Variants in REST observed in about 807,000 individuals in gnomAD.
REST encodes the protein RE1-silencing transcription factor.
A neutral mutation model predicts 30.4 loss-of-function variants in REST; 1 was observed. The observed-to-expected ratio is 0.03, with a 90% confidence interval of 0.01 to 0.16. The LOEUF (loss-of-function observed/expected upper bound fraction) is 0.16, where lower values mean the gene tolerates loss of function less well. Ranked by LOEUF, REST falls within the 10% of genes least tolerant of loss-of-function variation. The pLI, the probability that REST is intolerant of heterozygous loss-of-function variation, is 1.00. For missense variants in REST, 1,259 were observed against 1,329.5 expected (o/e 0.95, Z 0.82); for synonymous variants, 504 against 451.1 (o/e 1.12, Z -1.49).
At chr4:56,922,943 C>T (rs1253196388) in intron 3 of REST, among the ~76,000 whole-genome samples, 1 of 152,170 alleles carries the variant, frequency 6.6e-6, no homozygotes, top group Non-Finnish European at 1.5e-5. Context: ...TACTTTTATC[C>T]TTTCGTTCAA....
rs966647245 is a variant in REST at position 56,930,382 on chromosome 4, C to T, written c.1524C>T (p.Ser508=). The T allele has an allele frequency of 1.2e-6, 2 of 1,613,574 alleles. No individual in the cohort carries two copies. The highest frequency in any genetic ancestry group is 1.7e-5 in the Admixed American group (1 of 59,918). Residue 508 remains serine, a synonymous_variant, in exon 4 of 4, where the codon AGC becomes AGT. Transcript: ENST00000309042. ...AAGAGATGGATGTGCATACAGGAAG[C>T]AATTCAGAAAAATTCAGTAAAACTA... The part of the protein sequence containing the change: ...EVKEMDVHTG[S]NSEKFSKTKK...
At chr4:56,928,449 C>T (rs1380391735) in intron 3 of REST, among the ~76,000 whole-genome samples, 18 of 151,132 alleles carry the variant, frequency 1.2e-4, no homozygotes, top group Admixed American at 9.2e-4. Flanking sequence ...AGGGCCTTGC[C>T]CTGTTGCCCA....
rs1405461236 is a variant in REST, at chr4:56,930,547, C to T, written c.1689C>T (p.Ser563=). The part of the protein sequence containing the change: ...NNSQEVPKGD[S]KVEENKKQNT... The stretch of plus-strand genomic sequence containing the variant: ...GTCAGGAAGTGCCAAAGGGTGACAG[C>T]AAAGTGGAGGAGAATAAAAAGCAAA... Residue 563 remains serine, a synonymous_variant, in exon 4 of 4, where the codon AGC becomes AGT. Coordinates refer to ENST00000309042, the MANE Select transcript of REST (RefSeq NM_005612.5). 1 of 1,611,490 alleles carries T rather than the reference C, an allele frequency of 6.2e-7. No individual in the cohort carries two copies. The highest frequency in any genetic ancestry group is 8.5e-7 in the Non-Finnish European group (1 of 1,179,384).
At position 56,934,668 on chromosome 4, in the gene REST, A is replaced by G. The variant is rs1487885802; in HGVS notation, c.*2516A>G. On this transcript the variant is annotated 3_prime_UTR_variant, in exon 4 of 4. Coordinates refer to ENST00000309042, the MANE Select transcript of REST (RefSeq NM_005612.5). ...GAAGTTTTTCCATTTGAAAAATGTG[A>G]TGTTTGCATGGAACTGTTTGAAACT... The G allele has an allele frequency of 1.2e-4, 18 of 152,150 alleles. No homozygotes were observed. Among genetic ancestry groups the G allele is most frequent in the Admixed American group, 1.1e-3 (17 of 15,260 alleles). The allele number at this position is 152,150 out of a possible 1,614,324, so 9.4% of individuals were successfully genotyped here.
intron 2 of REST, among the ~76,000 whole-genome samples, chr4:56,912,473 C>T (rs1207791278): frequency 6.6e-6 from 1 of 151,282 alleles, no homozygotes; most frequent in Admixed American, 6.6e-5. Context: ...CCTGGCTCAG[C>T]CTCCCGAGTA....
In REST at chr4:56,935,291, G is replaced by A. The variant is rs1424529843; in HGVS notation, c.*3139G>A. ...AAAGTTAAGTTTCTTTTTTACATAA[G>A]TCAGAAAAACTTACAGCTGGTGTTC... is the stretch of plus-strand genomic sequence containing the variant. On this transcript the variant is annotated 3_prime_UTR_variant, in exon 4 of 4. Coordinates refer to ENST00000309042, the MANE Select transcript of REST (RefSeq NM_005612.5). The A allele has an allele frequency of 1.3e-5, 2 of 152,150 alleles. No homozygotes were observed. Among genetic ancestry groups the A allele is most frequent in the Non-Finnish European group, 2.9e-5 (2 of 68,034 alleles). The allele number at this position is 152,150 out of a possible 1,614,324, so 9.4% of individuals were successfully genotyped here. A position where few individuals can be genotyped will look rare whatever the true frequency, so the allele number is the denominator to read the frequency against.
At chr4:56,909,443 T>A (rs4109037) in intron 1 of REST, 15,926 of 152,338 alleles carry the variant, frequency 0.1, 1,096 homozygotes, top group Middle Eastern at 0.24. Flanking sequence ...ATCGTTAAAA[T>A]TCCATTTGGG....
rs767853298 is a variant in REST at position 56,932,125 on chromosome 4, TGAA to T, written c.3272_3274del (p.Glu1091del). The T allele has an allele frequency of 1.4e-5, 23 of 1,610,312 alleles. No homozygotes were observed. The highest frequency in any genetic ancestry group is 1.9e-5 in the Non-Finnish European group (22 of 1,177,344). On this transcript the variant is annotated inframe_deletion, in exon 4 of 4. Transcript: ENST00000309042. Reference sequence around the variant, plus strand: ...GCCATTTGGTTAATGTGTACTATCTTGAAGAAGCAGCTCAAGGGCAGGAGTAAT... The same window carrying T: ...GCCATTTGGTTAATGTGTACTATCTTGAAGCAGCTCAAGGGCAGGAGTAAT...
intron 3 of REST, 49 bp from the exon 4 acceptor site, chr4:56,929,792 G>C: frequency 6.6e-7 from 1 of 1,515,526 alleles, no homozygotes; most frequent in Non-Finnish European, 8.9e-7. Context: ...TTTTAATCTT[G>C]AATTTGTCTT....
At position 56,932,150 on chromosome 4, in the gene REST, T is replaced by A; in HGVS notation, c.3292T>A (p.Ter1098LysextTer1). Residue 1098 changes from the stop codon to lysine (K), a stop_lost, in exon 4 of 4, where the codon TAA becomes AAA. Coordinates refer to ENST00000309042, the MANE Select transcript of REST (RefSeq NM_005612.5). ...YLEEAAQGQE[*>K] ...TGAAGAAGCAGCTCAAGGGCAGGAG[T>A]AATGAAACTTTGAACAAGGTTTCAG... 1 of 1,593,046 alleles carries A rather than the reference T, an allele frequency of 6.3e-7. No homozygotes were observed. The highest frequency in any genetic ancestry group is 8.6e-7 in the Non-Finnish European group (1 of 1,169,388).
In REST at chr4:56,933,538, A is replaced by G. The variant is rs1184617404; in HGVS notation, c.*1386A>G. 6.6e-6 allele frequency: 1 copy of G among 152,210 alleles called. No homozygotes were observed. The highest frequency in any genetic ancestry group is 1.5e-5 in the Non-Finnish European group (1 of 68,042). The allele number at this position is 152,210 out of a possible 1,614,324, so 9.4% of individuals were successfully genotyped here. On this transcript the variant is annotated 3_prime_UTR_variant, in exon 4 of 4. Coordinates refer to ENST00000309042, the MANE Select transcript of REST (RefSeq NM_005612.5). ...AGTACAGTCCAGATTTTTTAAAATCATACTTTCTCAGGGATCTCCACAAAC... is the reference window on the plus strand; with the variant it reads ...AGTACAGTCCAGATTTTTTAAAATCGTACTTTCTCAGGGATCTCCACAAAC...
In REST at chr4:56,932,023, G is replaced by A. The variant is rs2227901; in HGVS notation, c.3165G>A (p.Ala1055=). The A allele has an allele frequency of 0.2, 325,803 of 1,613,926 alleles. 34,235 individuals carry two copies. Among genetic ancestry groups the A allele is most frequent in the East Asian group, 0.39 (17,440 of 44,878 alleles). Residue 1055 remains alanine, a synonymous_variant, in exon 4 of 4, where the codon GCG becomes GCA. Transcript: ENST00000309042. ...KNAKEALAVK[A]AKGDFVCIFC... Reference sequence around the variant, plus strand: ...CAAAGGAAGCCTTGGCAGTCAAAGCGGCTAAGGGAGATTTTGTTTGTATCT... The same window carrying A: ...CAAAGGAAGCCTTGGCAGTCAAAGCAGCTAAGGGAGATTTTGTTTGTATCT...
Position 56,933,824 on chromosome 4 carries a change from A to G in REST, c.*1672A>G, listed in dbSNP as rs1721055442. 1 of 152,020 alleles carries G rather than the reference A, an allele frequency of 6.6e-6. No individual in the cohort carries two copies. The highest frequency in any genetic ancestry group is 2.4e-5 in the African/African-American group (1 of 41,388). The allele number at this position is 152,020 out of a possible 1,614,324, so 9.4% of individuals were successfully genotyped here. A position where few individuals can be genotyped will look rare whatever the true frequency, so the allele number is the denominator to read the frequency against. ...GGAATCTTGAATTCTGACCTCCCAT[A>G]CTCCGTTTTGAAATAACCACTTTAT... On this transcript the variant is annotated 3_prime_UTR_variant, in exon 4 of 4. Transcript: ENST00000309042.
chr4:56,917,930 T>C (rs1720278678), intron 2 of REST, among the ~76,000 whole-genome samples: 1 of 151,442 alleles, frequency 6.6e-6, no homozygotes, highest in African/African-American at 2.4e-5. Context: ...CGGGCGCCTG[T>C]AGTCCCAGCT....
At chr4:56,918,737 A>G (rs1720315671) in intron 2 of REST, among the ~76,000 whole-genome samples, 2 of 151,822 alleles carry the variant, frequency 1.3e-5, no homozygotes. Context: ...TGGTACAATC[A>G]TGGCTCACAC....
In REST at chr4:56,932,041, T is replaced by C; in HGVS notation, c.3183T>C (p.Val1061=). The part of the protein sequence containing the change: ...LAVKAAKGDF[V]CIFCDRSFRK... ...TCAAAGCGGCTAAGGGAGATTTTGT[T>C]TGTATCTTCTGTGATCGTTCTTTCA... is the stretch of plus-strand genomic sequence containing the variant. Residue 1061 remains valine, a synonymous_variant, in exon 4 of 4, where the codon GTT becomes GTC. Coordinates refer to ENST00000309042, the MANE Select transcript of REST (RefSeq NM_005612.5). 1 of 1,614,196 alleles carries C rather than the reference T, an allele frequency of 6.2e-7. No homozygotes were observed. The highest frequency in any genetic ancestry group is 8.5e-7 in the Non-Finnish European group (1 of 1,180,030).
At chr4:56,916,801 G>C (rs772018549) in intron 2 of REST, among the ~76,000 whole-genome samples, 2 of 152,124 alleles carry the variant, frequency 1.3e-5, no homozygotes, top group Non-Finnish European at 2.9e-5. Context: ...ATCATAATAA[G>C]CAGTCTGAAT....
In REST at chr4:56,930,959, A is replaced by G. The variant is rs540877198; in HGVS notation, c.2101A>G (p.Met701Val). 6.2e-7 allele frequency: 1 copy of G among 1,613,894 alleles called. No individual in the cohort carries two copies. Among genetic ancestry groups the G allele is most frequent in the South Asian group, 1.1e-5 (1 of 91,084 alleles). Residue 701 changes from methionine (M) to valine (V), a missense_variant, in exon 4 of 4, where the codon ATG becomes GTG. Met to Val is a conservative substitution (Grantham distance 21). Around this residue, in one of 5 missense-constraint regions of REST, gnomAD observed 856 missense variants for 772.8 expected, o/e 1.11. Coordinates refer to ENST00000309042, the MANE Select transcript of REST (RefSeq NM_005612.5). ...METAQTEVAQ[M>V]GPAPMEPAQM... Reference sequence around the variant, plus strand: ...GACTGCTCAGACGGAGGTTGCCCAAATGGGGCCTGCTCCCATGGAACCTGC... The same window carrying G: ...GACTGCTCAGACGGAGGTTGCCCAAGTGGGGCCTGCTCCCATGGAACCTGC...
Position 56,917,790 on chromosome 4 carries a change from G to T in REST, c.899-1997G>T, listed in dbSNP as rs552596569. 3.0e-3 allele frequency among the ~76,000 whole-genome samples: 463 copies of T among 152,156 alleles called. 2 individuals carry two copies. Among genetic ancestry groups the T allele is most frequent in the African/African-American group, 0.01 (434 of 41,528 alleles). ...TGTTTTGCCGGGTGTGGCGGCTCAT[G>T]CCTGTAATCCCAGCACTTTGGGAGG... On this transcript the variant is annotated intron_variant, in intron 2 of 3. Coordinates refer to ENST00000309042, the MANE Select transcript of REST (RefSeq NM_005612.5).
Sources: gnomAD v4.1 joint callset for allele counts (sites outside exome capture counted in the v4.1 genomes callset) on GRCh38, gnomAD v4.1.1 for gene constraint, gnomAD v4.1.1 regional missense constraint, MANE v1.5 for transcripts, NCBI Gene and HGNC (gene_info 2026-07-23, HGNC 2026-07-21) for gene names.